NR6A1: variants seen among roughly 807,000 people sequenced by gnomAD.
The protein encoded by NR6A1 is retinoic acid receptor-related testis-associated receptor.
A neutral mutation model predicts 59.1 loss-of-function variants in NR6A1; 7 were observed. The observed-to-expected ratio is 0.12, with a 90% CI of 0.07 to 0.22. The LOEUF (loss-of-function observed/expected upper bound fraction) is 0.22. NR6A1 is among the 10% of genes least tolerant of loss of function. NR6A1 has a pLI of 1.00. For missense variants in NR6A1, 468 were observed against 611.6 expected (o/e 0.77, Z 2.48); for synonymous variants, 243 against 236.1 (o/e 1.03, Z -0.27).
At chr9:124,684,270 G>A (rs1424631423) in intron 2 of NR6A1, among the ~76,000 whole-genome samples, 2 of 152,184 alleles carry the variant, frequency 1.3e-5, no homozygotes, top group Non-Finnish European at 2.9e-5. Context: ...CTCTTGGCAG[G>A]TGTTCTCTAA....
chr9:124,588,427 C>G (rs1323090195), intron 2 of NR6A1, among the ~76,000 whole-genome samples: 1 of 151,856 alleles, frequency 6.6e-6, no homozygotes, highest in African/African-American at 2.4e-5. Context: ...CCTGCCTCAG[C>G]CTCCCGAGTA....
rs1839424761 is a variant in NR6A1 at position 124,716,691 on chromosome 9, G to C, written c.142+16617C>G. On this transcript the variant is annotated intron_variant, in intron 2 of 9. Transcript: ENST00000487099. ...CTGTCATCCAGGCTGCAATGCAGTG[G>C]TGCAATCTTGGCTCACTGCAACCTC... Among the ~76,000 whole-genome samples, 2 of 152,320 alleles carry C rather than the reference G, an allele frequency of 1.3e-5. 1 individual carries two copies. The highest frequency in any genetic ancestry group is 4.1e-4 in the South Asian group (2 of 4,826).
At position 124,524,841 on chromosome 9, in the gene NR6A1, C is replaced by G. The variant is rs761190025; in HGVS notation, c.1234G>C (p.Glu412Gln). 1.9e-6 allele frequency: 3 copies of G among 1,613,534 alleles called. No individual in the cohort carries two copies. The change falls in exon 9 of 10, where the codon GAA becomes CAA. Residue 412 changes from glutamate to glutamine, a missense_variant. Coordinates refer to ENST00000487099, the MANE Select transcript of NR6A1 (RefSeq NM_033334.4). ...IRGLTSASQL[E>Q]QLNKRYWYIC... ...TACCAGTATCGTTTATTCAATTGTT[C>G]CAGCTGTGAGGCACTGGTCAGACCC... is the stretch of plus-strand genomic sequence containing the variant.
chr9:124,771,257 A>C lies in NR6A1; in HGVS notation c.-138T>G. On this transcript the variant is annotated 5_prime_UTR_variant, in exon 1 of 10. Transcript: ENST00000487099. ...CGGCCGCGGCTCTCTCTGGGCCCCG[A>C]GCCGCCCGGCTCCGCGCCGCTCCGC... 2.3e-6 allele frequency: 1 copy of C among 437,238 alleles called. No homozygotes were observed. The highest frequency in any genetic ancestry group is 3.8e-6 in the Non-Finnish European group (1 of 263,012). 27.1% of individuals were successfully genotyped at this position (437,238 alleles called of 1,614,324 possible).
rs1214944954 is a variant in NR6A1 at position 124,565,518 on chromosome 9, AG to A, written c.143-10949del. Among the ~76,000 whole-genome samples, 8 of 152,134 alleles carry A rather than the reference AG, an allele frequency of 5.3e-5. 1 individual carries two copies. The highest frequency in any genetic ancestry group is 1.9e-4 in the African/African-American group (8 of 41,370). Reference sequence around the variant, plus strand: ...GAAAACATTGATAAAATGGCATTAAAGTAACAAAATTTAATAGAGTGAAAAG... The same window carrying A: ...GAAAACATTGATAAAATGGCATTAAATAACAAAATTTAATAGAGTGAAAAG... On this transcript the variant is annotated intron_variant, in intron 2 of 9. Transcript: ENST00000487099.
intron 1 of NR6A1, among the ~76,000 whole-genome samples, chr9:124,764,591 A>G: frequency 6.6e-6 from 1 of 152,344 alleles, no homozygotes; most frequent in East Asian, 1.9e-4. Flanking sequence ...TTCTCTCTCA[A>G]AATATGAATC....
At chr9:124,582,530 T>C (rs1485507914) in intron 2 of NR6A1, among the ~76,000 whole-genome samples, 1 of 151,788 alleles carries the variant, frequency 6.6e-6, no homozygotes, top group African/African-American at 2.4e-5. Flanking sequence ...CACATTTACC[T>C]ATGTAACAAA....
At chr9:124,540,952 C>A (rs1158158069) in intron 4 of NR6A1, among the ~76,000 whole-genome samples, 2 of 151,910 alleles carry the variant, frequency 1.3e-5, no homozygotes, top group Admixed American at 6.6e-5. Context: ...AAGACATCGA[C>A]CCCTTATACC....
At chr9:124,609,508 G>A (rs1430621250) in intron 2 of NR6A1, among the ~76,000 whole-genome samples, 1 of 152,136 alleles carries the variant, frequency 6.6e-6, no homozygotes, top group Non-Finnish European at 1.5e-5. Context: ...TTTGCTTACT[G>A]TGGCCTTATA....
intron 2 of NR6A1, among the ~76,000 whole-genome samples, chr9:124,626,070 G>A (rs1017657386): frequency 6.6e-6 from 1 of 152,156 alleles, no homozygotes; most frequent in Admixed American, 6.5e-5. Context: ...GCAGTGGTAC[G>A]ATCTCAGCTT....
At chr9:124,675,549 A>G (rs1837927491) in intron 2 of NR6A1, among the ~76,000 whole-genome samples, 1 of 152,226 alleles carries the variant, frequency 6.6e-6, no homozygotes, top group Non-Finnish European at 1.5e-5. Context: ...AGGTCTGGCT[A>G]AAGAGCTGCA....
At chr9:124,728,361 C>A (rs1839786103) in intron 2 of NR6A1, among the ~76,000 whole-genome samples, 1 of 151,820 alleles carries the variant, frequency 6.6e-6, no homozygotes, top group South Asian at 2.1e-4. Flanking sequence ...TGCGGCCAGG[C>A]ACGGTGGCTC....
In NR6A1 at chr9:124,522,656, T is replaced by C. The variant is rs1166410001; in HGVS notation, c.*49A>G. The C allele has an allele frequency of 2.0e-6, 3 of 1,479,858 alleles. No individual in the cohort carries two copies. Among genetic ancestry groups the C allele is most frequent in the Non-Finnish European group, 2.8e-6 (3 of 1,085,740 alleles). The allele number at this position is 1,479,858 out of a possible 1,614,324, so 91.7% of individuals were successfully genotyped here. ...TGGCTTTTCCCTCCAGAGCCTGTCC[T>C]GCCCACCCAAGACGCTGTGGTTGGC... On this transcript the variant is annotated 3_prime_UTR_variant, in exon 10 of 10. Coordinates refer to ENST00000487099, the MANE Select transcript of NR6A1 (RefSeq NM_033334.4).
chr9:124,604,638 G>A (rs1207104619), intron 2 of NR6A1, among the ~76,000 whole-genome samples: 4 of 152,014 alleles, frequency 2.6e-5, no homozygotes, highest in South Asian at 2.1e-4. Flanking sequence ...GCAAAACCCC[G>A]TTTCTACCAA....
rs114942182 is a variant in NR6A1, at chr9:124,627,161, G to A, written c.143-72591C>T. On this transcript the variant is annotated intron_variant, in intron 2 of 9. Transcript: ENST00000487099. ...CAACACTTAACATCTGTAAGACAAT[G>A]TTTCCTATTTCTTAAAATGACAAAA... Among the ~76,000 whole-genome samples the A allele has an allele frequency of 6.9e-3, 1,055 of 152,222 alleles. 11 individuals are homozygous for A. Among genetic ancestry groups the A allele is most frequent in the African/African-American group, 0.025 (1,025 of 41,534 alleles).
At chr9:124,669,379 A>C (rs1837719711) in intron 2 of NR6A1, among the ~76,000 whole-genome samples, 1 of 152,250 alleles carries the variant, frequency 6.6e-6, no homozygotes, top group Non-Finnish European at 1.5e-5. Flanking sequence ...TTTATTCAAC[A>C]AATACTTACT....
chr9:124,631,947 C>T (rs1487985455), intron 2 of NR6A1, among the ~76,000 whole-genome samples: 1 of 152,156 alleles, frequency 6.6e-6, no homozygotes, highest in Non-Finnish European at 1.5e-5. Context: ...CACTAGTTTA[C>T]TAAGGATAAT....
intron 7 of NR6A1, among the ~76,000 whole-genome samples, chr9:124,530,565 GCCAGGATC>G (rs554544421): frequency 6.6e-6 from 1 of 152,154 alleles, no homozygotes; most frequent in Non-Finnish European, 1.5e-5. Context: ...AAACATTCCT[GCCAGGATC>G]CCCCAAACCA....
intron 2 of NR6A1, among the ~76,000 whole-genome samples, chr9:124,706,744 C>T (rs574503302): frequency 1.1e-3 from 166 of 151,922 alleles, no homozygotes; most frequent in Non-Finnish European, 1.8e-3. Flanking sequence ...TCTCAATCTC[C>T]CGACCTCGTG....
Sources: allele counts gnomAD v4.1 joint callset (sites outside exome capture counted in the v4.1 genomes callset), GRCh38; gene constraint gnomAD v4.1.1; transcripts MANE v1.5; gene names NCBI Gene and HGNC (gene_info 2026-07-23, HGNC 2026-07-21).